Variants in TUBGCP5 observed in about 807,000 individuals in gnomAD.
The protein encoded by TUBGCP5 is tubulin gamma complex component 5.
A neutral mutation model predicts 134.7 loss-of-function variants in TUBGCP5; 98 were observed. The ratio of observed to expected loss-of-function variants is 0.73; its 90% CI spans 0.62 to 0.86. The LOEUF (loss-of-function observed/expected upper bound fraction) is 0.86, where lower values mean the gene tolerates loss of function less well. Ranked by LOEUF, TUBGCP5 falls within the 40% of genes least tolerant of loss-of-function variation. TUBGCP5 has a pLI of 0.00. For missense variants in TUBGCP5, 1,150 were observed against 1,244.8 expected, an observed-to-expected ratio of 0.92 and a Z score of 1.15; for synonymous variants, 456 against 431.4, an observed-to-expected ratio of 1.06 and a Z score of -0.71.
intron 23 of TUBGCP5, among the ~76,000 whole-genome samples, chr15:22,985,734 C>G (rs561323361): frequency 1.3e-5 from 2 of 152,056 alleles, no homozygotes; most frequent in Non-Finnish European, 2.9e-5. Context: ...ACTTGGGAGG[C>G]TGAGGCAGGA....
At position 23,039,250 on chromosome 15, in the gene TUBGCP5, C is replaced by T; in HGVS notation, c.146+148G>A. On this transcript the variant is annotated intron_variant, in intron 1 of 22. Transcript: ENST00000615383. ...AGAGCGCTGGCCGGCGGGGAGCAGG[C>T]GGTGGCAGGGCCTGCGAAGGCTCCC... 1.2e-5 allele frequency: 11 copies of T among 906,240 alleles called. No individual in the cohort carries two copies. The East Asian group carries it at 1.3e-4, about 11-fold the overall frequency. 56.1% of individuals were successfully genotyped at this position (906,240 alleles called of 1,614,324 possible). A position where few individuals can be genotyped will look rare whatever the true frequency, so the allele number is the denominator to read the frequency against.
At chr15:23,023,729 G>A (rs1464369582) in intron 10 of TUBGCP5, 1 of 433,610 alleles carries the variant, frequency 2.3e-6, no homozygotes, top group Non-Finnish European at 4.0e-6. Flanking sequence ...GGTGCAGGAA[G>A]AATAATTTAG....
rs1338539379 is a variant in TUBGCP5 at position 23,018,130 on chromosome 15, A to T, written c.1488-89T>A. On this transcript the variant is annotated intron_variant, in intron 12 of 22. Transcript: ENST00000615383. The stretch of plus-strand genomic sequence containing the variant: ...TAGTTTGTTGTCCAGACATTATAAA[A>T]CATAGTATTAATTATTAGTAAACTG... The T allele has an allele frequency of 9.8e-6, 13 of 1,323,128 alleles. No homozygotes were observed. The Admixed American group carries it at 3.2e-4, about 33-fold the overall frequency. 82.0% of individuals were successfully genotyped at this position (1,323,128 alleles called of 1,614,324 possible).
In TUBGCP5 at chr15:23,008,824, G is replaced by C; in HGVS notation, c.2202C>G (p.Thr734=). The change falls in exon 16 of 23, where the codon ACC becomes ACG. Residue 734 remains threonine (T), a synonymous_variant. Transcript: ENST00000615383. Reference sequence around the variant, plus strand: ...AAATTGACGTGTAGAAGTCATACATGGTATCTCCTCCTTCCATTAAGAAAA... The same window carrying C: ...AAATTGACGTGTAGAAGTCATACATCGTATCTCCTCCTTCCATTAAGAAAA... ...RNFFLMEGGD[T]MYDFYTSIFD... 5 of 1,595,966 alleles carry C rather than the reference G, an allele frequency of 3.1e-6. No individual in the cohort carries two copies. Among genetic ancestry groups the C allele is most frequent in the Non-Finnish European group, 4.3e-6 (5 of 1,175,284 alleles).
chr15:23,000,005 G>A (rs1378888750), intron 22 of TUBGCP5, 139 bp from the exon 23 acceptor site: 2 of 766,850 alleles, frequency 2.6e-6, no homozygotes, highest in Admixed American at 4.9e-5. Context: ...CTGCCTCCCG[G>A]GTTCAAGCAA....
chr15:23,020,150 T>G, intron 11 of TUBGCP5, among the ~76,000 whole-genome samples: 1 of 151,814 alleles, frequency 6.6e-6, no homozygotes, highest in East Asian at 1.9e-4. Context: ...GGCTCATGCC[T>G]GTAATCCCAG....
At chr15:23,012,495 C>T (rs1303232684) in intron 13 of TUBGCP5, among the ~76,000 whole-genome samples, 1 of 152,082 alleles carries the variant, frequency 6.6e-6, no homozygotes, top group Non-Finnish European at 1.5e-5. Context: ...CAATCTCTGA[C>T]TCCCTGGTTG....
chr15:22,986,660 C>T (rs1332029452), intron 23 of TUBGCP5, among the ~76,000 whole-genome samples: 3 of 151,808 alleles, frequency 2.0e-5, no homozygotes, highest in Non-Finnish European at 4.4e-5. Flanking sequence ...ATCACTTGAA[C>T]CCAGGAGGTG....
Position 23,005,502 on chromosome 15 carries a change from T to C in TUBGCP5, c.2642A>G (p.His881Arg), listed in dbSNP as rs2064653234. 1.2e-6 allele frequency: 2 copies of C among 1,614,244 alleles called. No homozygotes were observed. The highest frequency in any genetic ancestry group is 8.5e-7 in the Non-Finnish European group (1 of 1,180,042). ...PQKEPVRQQIHRMFLLRVKLM... is the reference protein window; with the variant it reads ...PQKEPVRQQIRRMFLLRVKLM... ...CTTCACTCTTAAGAGGAACATGCGA[T>C]GAATCTGCTGTCTTACTGGTTCTTT... Residue 881 changes from histidine (H) to arginine (R), a missense_variant, in exon 19 of 23, where the codon CAT (histidine) becomes CGT (arginine). Transcript: ENST00000615383.
downstream of TUBGCP5, among the ~76,000 whole-genome samples, chr15:22,994,286 C>T (rs185592509): frequency 3.3e-5 from 5 of 152,118 alleles, no homozygotes; most frequent in South Asian, 2.1e-4. Flanking sequence ...GACGGGGTTT[C>T]ACCATATTGG....
chr15:23,021,626 C>CT (rs1306799594), intron 11 of TUBGCP5, among the ~76,000 whole-genome samples: 1 of 152,236 alleles, frequency 6.6e-6, no homozygotes, highest in Admixed American at 6.5e-5. Flanking sequence ...CAGCATTCCA[C>CT]TTTGTTTCTG....
chr15:23,004,365 G>C (rs1209968588), intron 19 of TUBGCP5, 138 bp from the exon 20 acceptor site: 1 of 1,037,124 alleles, frequency 9.6e-7, no homozygotes, highest in Admixed American at 3.4e-5. Context: ...GTTTCATAAA[G>C]TACCATTCTT....
intron 18 of TUBGCP5, 45 bp from the exon 19 acceptor site, chr15:23,005,655 T>TCTTTCTGTTG: frequency 6.3e-7 from 1 of 1,579,960 alleles, no homozygotes; most frequent in Non-Finnish European, 8.7e-7. Context: ...GAGCATCAAC[T>TCTTTCTGTTG]CAAACCCCAC....
At chr15:23,009,234 T>C (rs935709627) in intron 15 of TUBGCP5, among the ~76,000 whole-genome samples, 2 of 152,046 alleles carry the variant, frequency 1.3e-5, no homozygotes, top group African/African-American at 4.8e-5. Context: ...GAAAACCTAG[T>C]TCCTACCGTA....
chr15:23,014,156 G>A (rs1472008142), intron 13 of TUBGCP5, among the ~76,000 whole-genome samples: 3 of 152,216 alleles, frequency 2.0e-5, no homozygotes, highest in African/African-American at 7.2e-5. Flanking sequence ...CATGCCTCCA[G>A]GCTGGTGAAG....
chr15:23,008,716 A>G lies in TUBGCP5; in HGVS notation c.2310T>C (p.Tyr770=). The G allele has an allele frequency of 1.2e-6, 2 of 1,608,514 alleles. No individual in the cohort carries two copies. Among genetic ancestry groups the G allele is most frequent in the Non-Finnish European group, 1.7e-6 (2 of 1,178,812 alleles). ...TATTTTACCGTGAACTATCTTCAGGATAACGCTGTCCTACTGCTTCTTGGA... is the reference window on the plus strand; with the variant it reads ...TATTTTACCGTGAACTATCTTCAGGGTAACGCTGTCCTACTGCTTCTTGGA... ...VQLQEAVGQR[Y]PEDSSRLSIS... is the part of the protein sequence containing the mutation. Residue 770 remains tyrosine (Y), a synonymous_variant, in exon 16 of 23, where the codon TAT becomes TAC. Coordinates refer to ENST00000615383, the MANE Select transcript of TUBGCP5 (RefSeq NM_052903.6).
At chr15:23,023,369 C>G (rs542139814) in intron 10 of TUBGCP5, 3 of 151,110 alleles carry the variant, frequency 2.0e-5, no homozygotes, top group African/African-American at 7.3e-5. Context: ...CTACAGATAA[C>G]TCACTGCCTG....
At chr15:22,997,046 G>A (rs2064117296), downstream of TUBGCP5, 1 of 152,214 alleles carries the variant, frequency 6.6e-6, no homozygotes, top group African/African-American at 2.4e-5. Flanking sequence ...GGACACCCTG[G>A]GCAACAGTGG....
rs143619616 is a variant in TUBGCP5, at chr15:23,032,803, G to A, written c.331C>T (p.Leu111=). ...EIKTDAHYSI[L]SLLLCLSDSP... ...TCTGACAGACACAGAAGAAGTGACA[G>A]TATGGAATAATGTGCATCTGTCTTT... Residue 111 remains leucine (L), a synonymous_variant, in exon 4 of 23, where the codon CTG becomes TTG. Transcript: ENST00000615383. 88 of 1,584,250 alleles carry A rather than the reference G, an allele frequency of 5.6e-5. 1 individual carries two copies. The highest frequency in any genetic ancestry group is 7.4e-5 in the Non-Finnish European group (87 of 1,169,488).
Sources: allele counts gnomAD v4.1 joint callset (sites outside exome capture counted in the v4.1 genomes callset), GRCh38; gene constraint gnomAD v4.1.1; transcripts MANE v1.5; gene names NCBI Gene and HGNC (gene_info 2026-07-23, HGNC 2026-07-21).